The following MARCHF1 variants were observed in gnomAD, a reference collection of about 807,000 sequenced individuals.
The protein encoded by MARCHF1 is membrane associated ring-CH-type finger 1.
In MARCHF1, 40 loss-of-function variants were observed where a neutral mutation model predicts 54.2. The ratio of observed to expected loss-of-function variants is 0.74; its 90% CI spans 0.57 to 0.96. The LOEUF is 0.96. Ranked by LOEUF, MARCHF1 falls within the 40% of genes least tolerant of loss-of-function variation. The probability of loss-of-function intolerance (pLI) is 0.00; values close to 1 mark genes in which losing one functional copy is unlikely to be tolerated. For synonymous variants in MARCHF1, 236 were observed against 236.3 expected, an observed-to-expected ratio of 1.00 and a Z score of 0.01; for missense variants, 586 against 656.5, an observed-to-expected ratio of 0.89 and a Z score of 1.17.
chr4:164,350,891 G>A (rs1730290071), intron 1 of MARCHF1, among the ~76,000 whole-genome samples: 1 of 152,034 alleles, frequency 6.6e-6, no homozygotes, highest in African/African-American at 2.4e-5. Flanking sequence ...AGTGGGCGCA[G>A]GCGAGTGGGT....
intron 4 of MARCHF1, among the ~76,000 whole-genome samples, chr4:163,832,099 GA>G (rs1194665227): frequency 2.0e-5 from 3 of 152,200 alleles, no homozygotes; most frequent in African/African-American, 7.2e-5. Context: ...ACTAAGTCCA[GA>G]AAAATTGAAA....
At chr4:164,190,445 G>A (rs1731094726) in intron 1 of MARCHF1, 1 of 399,746 alleles carries the variant, frequency 2.5e-6, no homozygotes, top group Non-Finnish European at 4.5e-6. Flanking sequence ...TGTCACCTCA[G>A]AGTGGAGTTG....
rs1738119489 is a variant in MARCHF1, at chr4:163,526,745, C to CAA, written c.*2001_*2002dup. The CAA allele has an allele frequency of 6.6e-6, 1 of 151,908 alleles. No homozygotes were observed. The highest frequency in any genetic ancestry group is 2.4e-5 in the African/African-American group (1 of 41,402). 9.4% of individuals were successfully genotyped at this position (151,908 alleles called of 1,614,324 possible). A position where few individuals can be genotyped will look rare whatever the true frequency, so the allele number is the denominator to read the frequency against. ...AACTTTGCTTTCCCTGTGCTTATAA[C>CAA]AAGTTTTAAGAAAGATGAGTTTTAA... On this transcript the variant is annotated 3_prime_UTR_variant, in exon 10 of 10. Transcript: ENST00000514618.
intron 5 of MARCHF1, among the ~76,000 whole-genome samples, chr4:163,657,161 C>A (rs1579165005): frequency 6.6e-6 from 1 of 152,044 alleles, no homozygotes; most frequent in Non-Finnish European, 1.5e-5. Context: ...CTAGAAAACC[C>A]CATTGTCTCA....
intron 2 of MARCHF1, among the ~76,000 whole-genome samples, chr4:164,013,818 C>T (rs1476428341): frequency 2.0e-5 from 3 of 152,054 alleles, no homozygotes; most frequent in Non-Finnish European, 4.4e-5. Flanking sequence ...AAAGACTTTC[C>T]TATACAAACA....
At chr4:163,874,208 A>T (rs912510449) in intron 3 of MARCHF1, among the ~76,000 whole-genome samples, 1 of 152,212 alleles carries the variant, frequency 6.6e-6, no homozygotes, top group African/African-American at 2.4e-5. Context: ...CACAAACTGC[A>T]ACAGATATTA....
At chr4:163,572,203 T>C (rs1255535230) in intron 8 of MARCHF1, among the ~76,000 whole-genome samples, 1 of 152,114 alleles carries the variant, frequency 6.6e-6, no homozygotes, top group Non-Finnish European at 1.5e-5. Context: ...CCCCTTCTTA[T>C]TCAGCATCCT....
chr4:164,305,611 ATATT>A (rs1451215312), intron 1 of MARCHF1, among the ~76,000 whole-genome samples: 1 of 152,178 alleles, frequency 6.6e-6, no homozygotes, highest in African/African-American at 2.4e-5. Context: ...AAAAAATAAA[ATATT>A]TATTTGAAGT....
intron 5 of MARCHF1, among the ~76,000 whole-genome samples, chr4:163,632,595 T>C (rs1742140100): frequency 6.6e-6 from 1 of 152,184 alleles, no homozygotes; most frequent in Admixed American, 6.5e-5. Context: ...TGGAGGGTCC[T>C]ATGCCCACGG....
At chr4:164,369,172 G>T (rs1160734584) in intron 1 of MARCHF1, among the ~76,000 whole-genome samples, 3 of 152,164 alleles carry the variant, frequency 2.0e-5, no homozygotes, top group Admixed American at 2.0e-4. Flanking sequence ...GACCCAGACA[G>T]GCTCACGGCC....
intron 2 of MARCHF1, among the ~76,000 whole-genome samples, chr4:164,080,935 G>A (rs1755082743): frequency 6.6e-6 from 1 of 151,586 alleles, no homozygotes; most frequent in Admixed American, 6.6e-5. Flanking sequence ...TTGGCCGGGC[G>A]TGGTGGCTCA....
chr4:164,237,810 T>C lies in MARCHF1; in HGVS notation c.-322-126148A>G, dbSNP rs140919131. Among the ~76,000 whole-genome samples the C allele has an allele frequency of 2.7e-3, 403 of 152,036 alleles. 3 individuals carry two copies. Among genetic ancestry groups the C allele is most frequent in the African/African-American group, 9.4e-3 (388 of 41,496 alleles). On this transcript the variant is annotated intron_variant, in intron 1 of 9. Coordinates refer to ENST00000514618, the MANE Select transcript of MARCHF1 (RefSeq NM_001394959.1). ...ATAAATTTCAGGCATGAAATTTTTA[T>C]CAACATTAAAATGAGGAAATTAAGA...
intron 4 of MARCHF1, among the ~76,000 whole-genome samples, chr4:163,758,301 G>C (rs567237885): frequency 1.3e-5 from 2 of 152,260 alleles, no homozygotes; most frequent in African/African-American, 4.8e-5. Context: ...GGCTGGGCTG[G>C]AGACACAGTG....
At chr4:163,778,636 T>G (rs565408405) in intron 4 of MARCHF1, among the ~76,000 whole-genome samples, 1 of 152,270 alleles carries the variant, frequency 6.6e-6, no homozygotes, top group Admixed American at 6.5e-5. Flanking sequence ...TAAGACAATG[T>G]GGTATATATA....
intron 3 of MARCHF1, among the ~76,000 whole-genome samples, chr4:163,870,626 G>A (rs1384209666): frequency 6.6e-6 from 1 of 152,062 alleles, no homozygotes; most frequent in Non-Finnish European, 1.5e-5. Context: ...CGCTTTTTCT[G>A]TTGTAGCTTA....
intron 3 of MARCHF1, among the ~76,000 whole-genome samples, chr4:163,912,640 C>T (rs1425988729): frequency 6.6e-6 from 1 of 152,090 alleles, no homozygotes; most frequent in Non-Finnish European, 1.5e-5. Context: ...TATGGTGATC[C>T]ACATTGATTA....
intron 3 of MARCHF1, among the ~76,000 whole-genome samples, chr4:163,916,143 C>T (rs1031899245): frequency 3.9e-5 from 6 of 152,068 alleles, no homozygotes; most frequent in East Asian, 1.9e-4. Flanking sequence ...GGTTGATCTG[C>T]GTCTCTCGAA....
chr4:164,262,989 A>G (rs1431733617), intron 1 of MARCHF1, among the ~76,000 whole-genome samples: 1 of 152,224 alleles, frequency 6.6e-6, no homozygotes, highest in Non-Finnish European at 1.5e-5. Flanking sequence ...TCCTAGTGTA[A>G]TAAGTAAGTT....
At chr4:163,912,674 T>C (rs1751219936) in intron 3 of MARCHF1, among the ~76,000 whole-genome samples, 1 of 152,200 alleles carries the variant, frequency 6.6e-6, no homozygotes, top group Non-Finnish European at 1.5e-5. Flanking sequence ...ACATTTCTTC[T>C]TCTTGTTTGT....
Sources: gnomAD v4.1 joint callset for allele counts (sites outside exome capture counted in the v4.1 genomes callset) on GRCh38, gnomAD v4.1.1 for gene constraint, MANE v1.5 for transcripts, NCBI Gene and HGNC (gene_info 2026-07-23, HGNC 2026-07-21) for gene names.